Variants in FOXP4 observed in about 807,000 individuals in gnomAD.
FOXP4 encodes forkhead box P4, also known as forkhead box protein P4.
Under a neutral mutation model 82.6 loss-of-function variants are expected in FOXP4, and 25 were observed. The observed-to-expected ratio is 0.30, with a 90% CI of 0.22 to 0.42. FOXP4 has a LOEUF of 0.42. FOXP4 is among the 10% of genes least tolerant of loss of function. FOXP4 has a pLI of 1.00. For missense variants in FOXP4, 785 were observed against 900.9 expected (o/e 0.87, Z 1.65); for synonymous variants, 415 against 388.2 (o/e 1.07, Z -0.81).
intron 13 of FOXP4, among the ~76,000 whole-genome samples, chr6:41,592,353 T>A (rs986727667): frequency 3.3e-5 from 5 of 152,158 alleles, no homozygotes; most frequent in Admixed American, 6.5e-5. Flanking sequence ...ATGACTTTCA[T>A]ATGCTCATAC....
intron 3 of FOXP4, among the ~76,000 whole-genome samples, chr6:41,579,866 C>A (rs1189261493): frequency 6.6e-6 from 1 of 152,126 alleles, no homozygotes; most frequent in African/African-American, 2.4e-5. Context: ...GAAGTGTAGA[C>A]ACTAAGCGCT....
At chr6:41,555,797 T>G (rs1456142061) in intron 1 of FOXP4, among the ~76,000 whole-genome samples, 1 of 152,128 alleles carries the variant, frequency 6.6e-6, no homozygotes, top group Non-Finnish European at 1.5e-5. Context: ...TTAACAAGGG[T>G]GTTGTGGACA....
Position 41,597,241 on chromosome 6 carries a change from A to T in FOXP4, c.1724A>T (p.Gln575Leu). ...LSYGALNASY[Q>L]AALAESSFPL... ...TATGGAGCACTTAATGCCAGCTACCAGGTGACCTGCCCAGAGCCCACCCAC... is the reference window on the plus strand; with the variant it reads ...TATGGAGCACTTAATGCCAGCTACCTGGTGACCTGCCCAGAGCCCACCCAC... Residue 575 changes from glutamine to leucine, a missense_variant and splice_region_variant, in exon 15 of 17, where the codon CAG (glutamine) becomes CTG (leucine). Physicochemically the swap from Gln to Leu is moderately radical, Grantham distance 113 (BLOSUM62 -2). This residue lies in a region of FOXP4 where 184 missense variants were observed against 187.3 expected (regional missense o/e 0.98). Coordinates refer to ENST00000307972, the MANE Select transcript of FOXP4 (RefSeq NM_001012426.2). 6.2e-7 allele frequency: 1 copy of T among 1,614,084 alleles called. No individual in the cohort carries two copies. The highest frequency in any genetic ancestry group is 8.5e-7 in the Non-Finnish European group (1 of 1,180,002).
At chr6:41,575,081 G>T (rs1371562595) in intron 2 of FOXP4, among the ~76,000 whole-genome samples, 1 of 152,152 alleles carries the variant, frequency 6.6e-6, no homozygotes, top group East Asian at 1.9e-4. Context: ...CCATCATTCT[G>T]CCTCAGCCTC....
At position 41,587,492 on chromosome 6, in the gene FOXP4, G is replaced by T. The variant is rs1766215958; in HGVS notation, c.852G>T (p.Val284=). Residue 284 remains valine, a synonymous_variant, in exon 7 of 17, where the codon GTG becomes GTT. Transcript: ENST00000307972. ...HHTLPNGQPT[V]LTSRRDSSSH... is the part of the protein sequence containing the mutation. Reference sequence around the variant, plus strand: ...CCCTGCCCAACGGACAGCCTACTGTGCTCACATCTCGGAGAGACAGGTACA... The same window carrying T: ...CCCTGCCCAACGGACAGCCTACTGTTCTCACATCTCGGAGAGACAGGTACA... 1 of 1,525,624 alleles carries T rather than the reference G, an allele frequency of 6.6e-7. No homozygotes were observed. Among genetic ancestry groups the T allele is most frequent in the African/African-American group, 1.4e-5 (1 of 72,264 alleles). 94.5% of individuals were successfully genotyped at this position (1,525,624 alleles called of 1,614,324 possible).
intron 4 of FOXP4, 124 bp downstream of exon 4, chr6:41,585,015 T>G: frequency 9.2e-6 from 12 of 1,304,644 alleles, no homozygotes; most frequent in Non-Finnish European, 1.2e-5. Flanking sequence ...CAGGCCAGAC[T>G]GATCTGCATT....
chr6:41,594,896 G>A lies in FOXP4; in HGVS notation c.1563G>A (p.Leu521=). 2 of 1,614,142 alleles carry A rather than the reference G, an allele frequency of 1.2e-6. No individual in the cohort carries two copies. The highest frequency in any genetic ancestry group is 1.7e-6 in the Non-Finnish European group (2 of 1,180,040). ...WKNAVRHNLS[L]HKCFVRVENV... is the part of the protein sequence containing the mutation. ...ACGCCGTGCGCCACAACCTCAGCCTGCACAAGTGCTTCGTCCGCGTGGAGA... is the reference window on the plus strand; with the variant it reads ...ACGCCGTGCGCCACAACCTCAGCCTACACAAGTGCTTCGTCCGCGTGGAGA... The change falls in exon 14 of 17, where the codon CTG becomes CTA. Residue 521 remains leucine (L), a synonymous_variant. Transcript: ENST00000307972.
At chr6:41,588,937 G>A (rs754287153) in intron 9 of FOXP4, among the ~76,000 whole-genome samples, 1 of 152,186 alleles carries the variant, frequency 6.6e-6, no homozygotes, top group South Asian at 2.1e-4. Flanking sequence ...AAGGTTGGGG[G>A]CGTCTCTGCT....
chr6:41,589,944 C>T lies in FOXP4; in HGVS notation c.1150-19C>T. 1 of 1,613,292 alleles carries T rather than the reference C, an allele frequency of 6.2e-7. No homozygotes were observed. Among genetic ancestry groups the T allele is most frequent in the Non-Finnish European group, 8.5e-7 (1 of 1,179,640 alleles). Reference sequence around the variant, plus strand: ...CCACCCTCGGGCACTGGTCTCAGTACCCTCCCCGTTGCTCACAGCTGAACC... The same window carrying T: ...CCACCCTCGGGCACTGGTCTCAGTATCCTCCCCGTTGCTCACAGCTGAACC... On this transcript the variant is annotated intron_variant, in intron 10 of 16. Coordinates refer to ENST00000307972, the MANE Select transcript of FOXP4 (RefSeq NM_001012426.2).
At chr6:41,551,896 C>G (rs1341979479) in intron 1 of FOXP4, among the ~76,000 whole-genome samples, 1 of 152,048 alleles carries the variant, frequency 6.6e-6, no homozygotes, top group African/African-American at 2.4e-5. Flanking sequence ...CAGGAGGGAC[C>G]CGGAGAAGGG....
intron 1 of FOXP4, among the ~76,000 whole-genome samples, chr6:41,553,477 G>A (rs1764110867): frequency 6.6e-6 from 1 of 151,928 alleles, no homozygotes; most frequent in Admixed American, 6.6e-5. Flanking sequence ...TAAAACCACT[G>A]CTCTGTGCCC....
rs1167587211 is a variant in FOXP4, at chr6:41,597,873, T to C, written c.1818T>C (p.Asp606=). 1 of 1,596,822 alleles carries C rather than the reference T, an allele frequency of 6.3e-7. No individual in the cohort carries two copies. The highest frequency in any genetic ancestry group is 1.7e-5 in the Admixed American group (1 of 59,082). ...SASSLLPLSH[D]DVGAPVEPLP... ...GCAGCCTGCTGCCCCTCAGCCACGATGACGTGGGTGCCCCCGTGGAGCCGC... is the reference window on the plus strand; with the variant it reads ...GCAGCCTGCTGCCCCTCAGCCACGACGACGTGGGTGCCCCCGTGGAGCCGC... The change falls in exon 16 of 17, where the codon GAT becomes GAC. Residue 606 remains aspartate (D), a synonymous_variant. Transcript: ENST00000307972.
intron 1 of FOXP4, among the ~76,000 whole-genome samples, chr6:41,553,111 T>C (rs1366799464): frequency 6.6e-6 from 1 of 152,146 alleles, no homozygotes; most frequent in Non-Finnish European, 1.5e-5. Flanking sequence ...CCATGGGTCC[T>C]TCTTGAAAGG....
chr6:41,586,307 G>A (rs577635967), intron 5 of FOXP4, among the ~76,000 whole-genome samples: 1 of 152,238 alleles, frequency 6.6e-6, no homozygotes, highest in Admixed American at 6.5e-5. Flanking sequence ...CAGCAGGCAG[G>A]CAGAGACATC....
intron 8 of FOXP4, among the ~76,000 whole-genome samples, chr6:41,588,335 G>A (rs913153180): frequency 3.3e-5 from 5 of 152,178 alleles, no homozygotes; most frequent in African/African-American, 7.2e-5. Context: ...GATTAACTCC[G>A]CTGTCTCCCA....
intron 13 of FOXP4, among the ~76,000 whole-genome samples, chr6:41,592,003 G>GTC (rs1475568146): frequency 3.3e-5 from 5 of 151,930 alleles, no homozygotes; most frequent in Admixed American, 6.6e-5. Flanking sequence ...GTGTGTGTGT[G>GTC]TGTCTGTCTG....
intron 3 of FOXP4, among the ~76,000 whole-genome samples, chr6:41,584,249 TG>T (rs1765966217): frequency 6.6e-6 from 1 of 152,214 alleles, no homozygotes; most frequent in African/African-American, 2.4e-5. Flanking sequence ...TCGTGCAAGG[TG>T]GGCCACGTTT....
At chr6:41,553,102 C>T (rs1372615445) in intron 1 of FOXP4, among the ~76,000 whole-genome samples, 1 of 152,156 alleles carries the variant, frequency 6.6e-6, no homozygotes, top group Non-Finnish European at 1.5e-5. Flanking sequence ...AGCCTACTTC[C>T]ATGGGTCCTT....
intron 14 of FOXP4, among the ~76,000 whole-genome samples, chr6:41,595,438 A>C (rs1029442990): frequency 6.6e-6 from 1 of 152,194 alleles, no homozygotes; most frequent in Non-Finnish European, 1.5e-5. Context: ...GAGGAGAGCC[A>C]GTGAGGGCCA....
Sources: allele counts gnomAD v4.1 joint callset (sites outside exome capture counted in the v4.1 genomes callset), GRCh38; gene constraint gnomAD v4.1.1; regional missense constraint gnomAD v4.1.1; transcripts MANE v1.5; gene names NCBI Gene and HGNC (gene_info 2026-07-23, HGNC 2026-07-21).